Variants in FANCB observed in about 807,000 individuals in gnomAD.
FANCB encodes FA complementation group B, also known as Fanconi anemia group B protein.
FANCB carries 5 observed loss-of-function variants against 38.9 expected under a neutral mutation model. The observed-to-expected ratio is 0.13, with a 90% confidence interval of 0.07 to 0.27. The LOEUF (loss-of-function observed/expected upper bound fraction) is 0.27, where lower values mean the gene tolerates loss of function less well. FANCB is among the 10% of genes least tolerant of loss of function. The pLI, the probability that FANCB is intolerant of heterozygous loss-of-function variation, is 1.00. For missense variants in FANCB, 573 were observed against 602.7 expected, an observed-to-expected ratio of 0.95 and a Z score of 0.52; for synonymous variants, 236 against 215.4, an observed-to-expected ratio of 1.10 and a Z score of -0.84.
the FANCB span, among the ~76,000 whole-genome samples, chrX:14,729,355 C>G: frequency 2.7e-5 from 3 of 111,066 alleles, no homozygotes; most frequent in African/African-American, 9.8e-5. Flanking sequence ...TCAACCCCAC[C>G]TTTTCAACCC....
At chrX:14,742,291 A>C in the FANCB span, among the ~76,000 whole-genome samples, 3 of 111,692 alleles carry the variant, frequency 2.7e-5, no homozygotes, top group Admixed American at 2.9e-4. Flanking sequence ...AGGTAGAGAA[A>C]GTTTAAAAGG....
the FANCB span, among the ~76,000 whole-genome samples, chrX:14,804,232 G>C: frequency 2.6e-4 from 29 of 111,674 alleles, no homozygotes; most frequent in South Asian, 1.5e-3. Flanking sequence ...TTGGAACCAA[G>C]CCAAATGTCC....
At chrX:14,830,418 C>A in the FANCB span, among the ~76,000 whole-genome samples, 1 of 111,059 alleles carries the variant, frequency 9.0e-6, no homozygotes, top group Non-Finnish European at 1.9e-5. Context: ...ATGTGAAGCA[C>A]AAAAAAACAA....
chrX:14,719,426 C>A, the FANCB span, among the ~76,000 whole-genome samples: 3 of 111,876 alleles, frequency 2.7e-5, no homozygotes, highest in African/African-American at 9.7e-5. Context: ...AGAAGACATA[C>A]AAATGACCAA....
At chrX:14,834,959 T>A, downstream of FANCB, 1 of 803,526 alleles carries the variant, frequency 1.2e-6, no homozygotes, top group Non-Finnish European at 1.9e-6. Context: ...ACTCTGCATC[T>A]TCCTCCACAG....
chrX:14,763,407 G>A, the FANCB span, among the ~76,000 whole-genome samples: 8 of 111,856 alleles, frequency 7.2e-5, no homozygotes, highest in Non-Finnish European at 3.8e-5. Context: ...CATCGCGGGG[G>A]AAAAGCAGGT....
chrX:14,846,379 A>G (rs2147394094), intron 7 of FANCB, among the ~76,000 whole-genome samples: 1 of 111,891 alleles, frequency 8.9e-6, no homozygotes, highest in East Asian at 2.8e-4. Flanking sequence ...ACTGAGGATA[A>G]ATAAGCACCT....
At chrX:14,869,743 A>C (rs1305868646) in intron 1 of FANCB, among the ~76,000 whole-genome samples, 1 of 112,123 alleles carries the variant, frequency 8.9e-6, no homozygotes, top group Non-Finnish European at 1.9e-5. Context: ...AACACTGTGA[A>C]TTGAACATAT....
At chrX:14,710,662 C>T in the FANCB span, among the ~76,000 whole-genome samples, 20,777 of 110,958 alleles carry the variant, frequency 0.19, 1,815 homozygotes, top group East Asian at 0.58. Flanking sequence ...ACTGTTGTTA[C>T]GGTTGATTAT....
chrX:14,802,372 G>A, the FANCB span, among the ~76,000 whole-genome samples: 2 of 112,161 alleles, frequency 1.8e-5, no homozygotes, highest in East Asian at 5.6e-4. Context: ...TGGACCATGG[G>A]TAAAGAGGGA....
At chrX:14,840,091 G>C (rs2092350997), downstream of FANCB, among the ~76,000 whole-genome samples, 1 of 111,839 alleles carries the variant, frequency 8.9e-6, no homozygotes, top group African/African-American at 3.3e-5. Context: ...CTGACCTCAG[G>C]TGATCGGCCC....
intron 3 of FANCB, 95 bp downstream of exon 3, chrX:14,864,465 A>T: frequency 1.7e-6 from 1 of 589,851 alleles, no homozygotes; most frequent in Non-Finnish European, 2.9e-6. Flanking sequence ...AAATTGACTT[A>T]GACAATAAGA....
chrX:14,839,848 C>T (rs1385035795), downstream of FANCB, among the ~76,000 whole-genome samples: 1 of 108,529 alleles, frequency 9.2e-6, no homozygotes, highest in Non-Finnish European at 1.9e-5. Flanking sequence ...AGTTCTGTTA[C>T]AAGGGATTTT....
In FANCB at chrX:14,844,946, G is replaced by A; in HGVS notation, c.1837C>T (p.Arg613Cys). ...AAAACTCTGCCACACACAACATAAC[G>A]ATCTTTAGGACAGTTACCACTTTCT... Reference protein sequence around the residue: ...ERESGNCPKDRYVVCGRVFLS... With the variant: ...ERESGNCPKDCYVVCGRVFLS... Residue 613 changes from arginine to cysteine, a missense_variant, in exon 8 of 10, where the codon CGT becomes TGT. Transcript: ENST00000650831. 1.7e-6 allele frequency: 2 copies of A among 1,200,449 alleles called. No individual in the cohort carries two copies. The highest frequency in any genetic ancestry group is 1.7e-5 in the African/African-American group (1 of 57,373).
At chrX:14,698,681 C>CAAAAAA in the FANCB span, among the ~76,000 whole-genome samples, 2 of 21,140 alleles carry the variant, frequency 9.5e-5, no homozygotes, top group Non-Finnish European at 1.6e-4. Context: ...CTATCTATCT[C>CAAAAAA]AAAAAAAAAA....
At chrX:14,738,709 T>C in the FANCB span, among the ~76,000 whole-genome samples, 1 of 112,132 alleles carries the variant, frequency 8.9e-6, no homozygotes, top group Non-Finnish European at 1.9e-5. Flanking sequence ...AGACTCTTTA[T>C]GGCATTCTCA....
chrX:14,738,267 G>C, the FANCB span, among the ~76,000 whole-genome samples: 1 of 112,376 alleles, frequency 8.9e-6, no homozygotes, highest in Non-Finnish European at 1.9e-5. Context: ...ATATGCTGGT[G>C]AAACAGATTA....
rs1455225218 is a variant in FANCB at position 14,869,015 on chromosome X, A to C, written c.-163T>G. 1 of 111,777 alleles carries C rather than the reference A, an allele frequency of 8.9e-6. No homozygotes were observed. Among genetic ancestry groups the C allele is most frequent in the African/African-American group, 3.2e-5 (1 of 30,778 alleles). The allele number at this position is 111,777 out of a possible 1,213,427, so 9.2% of individuals were successfully genotyped here. On this transcript the variant is annotated 5_prime_UTR_variant, in exon 2 of 10. The change creates a new upstream start codon in the 5' untranslated region. Coordinates refer to ENST00000650831, the MANE Select transcript of FANCB (RefSeq NM_001018113.3). The stretch of plus-strand genomic sequence containing the variant: ...ATCAGTAAAGAAGATAGGGTAGGTA[A>C]ATCAAAGGTCTGGCTTGTACTTATG...
At chrX:14,745,560 C>G in the FANCB span, among the ~76,000 whole-genome samples, 2 of 110,001 alleles carry the variant, frequency 1.8e-5, no homozygotes, top group Admixed American at 9.8e-5. Context: ...CCAACCAGTT[C>G]AGAATCCTGC....
Sources: gnomAD v4.1 joint callset for allele counts (sites outside exome capture counted in the v4.1 genomes callset) on GRCh38, gnomAD v4.1.1 for gene constraint, MANE v1.5 for transcripts, NCBI Gene and HGNC (gene_info 2026-07-23, HGNC 2026-07-21) for gene names.